SPON1: variants seen among roughly 807,000 people sequenced by gnomAD.
SPON1 encodes spondin-1.
A neutral mutation model predicts 111.7 loss-of-function variants in SPON1; 52 were observed. The ratio of observed to expected loss-of-function variants is 0.47; its 90% CI spans 0.37 to 0.59. The LOEUF (loss-of-function observed/expected upper bound fraction) is 0.59, where lower values mean the gene tolerates loss of function less well. SPON1 is among the 20% of genes least tolerant of loss of function. The pLI, the probability that SPON1 is intolerant of heterozygous loss-of-function variation, is 0.00. For synonymous variants in SPON1, 410 were observed against 395.8 expected (o/e 1.04, Z -0.43); for missense variants, 957 against 1,068.5 (o/e 0.90, Z 1.46).
intron 14 of SPON1, 188 bp from the exon 15 acceptor site, chr11:14,262,524 G>A: frequency 2.9e-6 from 2 of 698,218 alleles, no homozygotes; most frequent in Non-Finnish European, 4.7e-6. Context: ...TCCTGCCTCT[G>A]CTGCTTACCA....
intron 3 of SPON1, among the ~76,000 whole-genome samples, chr11:14,046,114 G>A (rs964701800): frequency 6.6e-6 from 1 of 152,180 alleles, no homozygotes; most frequent in African/African-American, 2.4e-5. Flanking sequence ...ACAATGGTGG[G>A]GGCAAAATAA....
chr11:14,257,918 C>A lies in SPON1; in HGVS notation c.1492+20C>A. 1 of 1,509,350 alleles carries A rather than the reference C, an allele frequency of 6.6e-7. No individual in the cohort carries two copies. The highest frequency in any genetic ancestry group is 2.1e-5 in the Admixed American group (1 of 47,636). 93.5% of individuals were successfully genotyped at this position (1,509,350 alleles called of 1,614,324 possible). A position where few individuals can be genotyped will look rare whatever the true frequency, so the allele number is the denominator to read the frequency against. ...ACGAAGGTGAGGAGACAACCCAGAC[C>A]AGCCAGGGGCTGGCAGGAGTTCAGG... On this transcript the variant is annotated intron_variant, in intron 11 of 15. Coordinates refer to ENST00000576479, the MANE Select transcript of SPON1 (RefSeq NM_006108.4).
intron 2 of SPON1, among the ~76,000 whole-genome samples, chr11:14,030,762 G>T (rs1848553294): frequency 6.6e-6 from 1 of 152,238 alleles, no homozygotes; most frequent in Admixed American, 6.5e-5. Context: ...AGGTGGGAAT[G>T]TAAGTTAGTT....
intron 6 of SPON1, among the ~76,000 whole-genome samples, chr11:14,183,081 T>C (rs981956127): frequency 6.6e-6 from 1 of 152,278 alleles, no homozygotes; most frequent in South Asian, 2.1e-4. Flanking sequence ...GAAAATGTAC[T>C]AATAATGTTA....
intron 5 of SPON1, among the ~76,000 whole-genome samples, chr11:14,134,447 G>A (rs1281956970): frequency 6.6e-6 from 1 of 152,118 alleles, no homozygotes; most frequent in Non-Finnish European, 1.5e-5. Context: ...ATGCTGTTGT[G>A]TTGTGCATTA....
chr11:13,967,036 T>C (rs942938567), intron 1 of SPON1, among the ~76,000 whole-genome samples: 11 of 152,244 alleles, frequency 7.2e-5, no homozygotes, highest in African/African-American at 2.4e-4. Context: ...ACTTATTCCT[T>C]ACAGTACTTT....
chr11:14,249,526 G>C (rs982853043), intron 7 of SPON1, among the ~76,000 whole-genome samples: 1 of 152,156 alleles, frequency 6.6e-6, no homozygotes, highest in Non-Finnish European at 1.5e-5. Flanking sequence ...AATGGCTTGG[G>C]CGCCCTCTCG....
At chr11:14,148,594 G>A (rs1189568408) in intron 6 of SPON1, among the ~76,000 whole-genome samples, 1 of 152,230 alleles carries the variant, frequency 6.6e-6, no homozygotes, top group Non-Finnish European at 1.5e-5. Flanking sequence ...GACCAAGAGA[G>A]CTACAGTCCA....
At chr11:14,153,674 A>G (rs782620589) in intron 6 of SPON1, among the ~76,000 whole-genome samples, 1 of 152,142 alleles carries the variant, frequency 6.6e-6, no homozygotes, top group Non-Finnish European at 1.5e-5. Flanking sequence ...TCACATTTCA[A>G]AACACAGTCA....
intron 2 of SPON1, among the ~76,000 whole-genome samples, chr11:13,996,151 AG>A (rs1305658054): frequency 2.6e-5 from 4 of 151,512 alleles, no homozygotes; most frequent in Admixed American, 2.0e-4. Flanking sequence ...GAGCCTCACA[AG>A]GGCCTAGTAA....
chr11:13,963,568 C>A (rs1267701013), intron 1 of SPON1, among the ~76,000 whole-genome samples: 1 of 152,160 alleles, frequency 6.6e-6, no homozygotes, highest in East Asian at 1.9e-4. Flanking sequence ...CAGCTTTCCC[C>A]GCTCAGTCCC....
At chr11:14,221,064 G>A (rs1189361017) in intron 6 of SPON1, among the ~76,000 whole-genome samples, 2 of 152,118 alleles carry the variant, frequency 1.3e-5, no homozygotes, top group Non-Finnish European at 2.9e-5. Context: ...TCAGCATGTC[G>A]TTCTGAACAT....
At chr11:14,027,424 G>T (rs111653289) in intron 2 of SPON1, among the ~76,000 whole-genome samples, 2 of 152,204 alleles carry the variant, frequency 1.3e-5, no homozygotes, top group South Asian at 2.1e-4. Flanking sequence ...AGCTTCAGTT[G>T]CTTCTGTGAG....
intron 2 of SPON1, among the ~76,000 whole-genome samples, chr11:14,005,020 G>C (rs1053108830): frequency 2.0e-5 from 3 of 152,132 alleles, no homozygotes; most frequent in South Asian, 2.1e-4. Flanking sequence ...TGTTGCCCAG[G>C]CTATGCCTTT....
At chr11:14,258,809 A>G (rs1382738489) in intron 11 of SPON1, among the ~76,000 whole-genome samples, 2 of 152,166 alleles carry the variant, frequency 1.3e-5, no homozygotes, top group Non-Finnish European at 2.9e-5. Flanking sequence ...CATTCCTACA[A>G]ACAGGCGGGA....
chr11:14,117,877 C>G (rs1267073359), intron 5 of SPON1, among the ~76,000 whole-genome samples: 2 of 152,214 alleles, frequency 1.3e-5, no homozygotes, highest in Non-Finnish European at 2.9e-5. Context: ...TAGATCCTCC[C>G]TGAGCCTGTT....
chr11:13,974,562 T>A (rs1848087805), intron 1 of SPON1, among the ~76,000 whole-genome samples: 1 of 152,176 alleles, frequency 6.6e-6, no homozygotes, highest in Non-Finnish European at 1.5e-5. Context: ...GTAGGGTAAG[T>A]GTACCCAAGG....
chr11:14,201,057 C>T (rs1848456693), intron 6 of SPON1, among the ~76,000 whole-genome samples: 1 of 151,944 alleles, frequency 6.6e-6, no homozygotes, highest in African/African-American at 2.4e-5. Context: ...CTACCAACTC[C>T]TGGCCAGGTG....
At chr11:14,200,389 C>A (rs1554935485) in intron 6 of SPON1, among the ~76,000 whole-genome samples, 1 of 152,174 alleles carries the variant, frequency 6.6e-6, no homozygotes, top group African/African-American at 2.4e-5. Context: ...AAGCTGTGAT[C>A]ATTTTCTTTC....
Sources: allele counts gnomAD v4.1 joint callset (sites outside exome capture counted in the v4.1 genomes callset), GRCh38; gene constraint gnomAD v4.1.1; transcripts MANE v1.5; gene names NCBI Gene and HGNC (gene_info 2026-07-23, HGNC 2026-07-21).